TRIM2: variants seen among roughly 807,000 people sequenced by gnomAD.
The protein encoded by TRIM2 is tripartite motif-containing protein 2.
Under a neutral mutation model 75.2 loss-of-function variants are expected in TRIM2, and 20 were observed. The observed-to-expected ratio is 0.27, with a 90% CI of 0.19 to 0.39. The LOEUF (loss-of-function observed/expected upper bound fraction) is 0.39, where lower values mean the gene tolerates loss of function less well. Among genes scored for constraint, TRIM2 ranks in the 10% least tolerant of loss-of-function variants. The pLI is 1.00. For missense variants in TRIM2, 660 were observed against 990.8 expected (o/e 0.67, Z 4.48); for synonymous variants, 373 against 388.3 (o/e 0.96, Z 0.46).
At chr4:153,324,287 C>A in intron 10 of TRIM2, 139 bp downstream of exon 10, 1 of 613,776 alleles carries the variant, frequency 1.6e-6, no homozygotes, top group South Asian at 2.4e-5. Flanking sequence ...CTCAAAGATG[C>A]CGGTTTTAAC....
In TRIM2 at chr4:153,296,151, G is replaced by A. The variant is rs1029241922; in HGVS notation, c.1510+115G>A. ...CCCAGAACTCTACCTGCAGGTGTTAGGAGATGTACTGCTATAAAATTTGAT... is the reference window on the plus strand; with the variant it reads ...CCCAGAACTCTACCTGCAGGTGTTAAGAGATGTACTGCTATAAAATTTGAT... On this transcript the variant is annotated intron_variant, in intron 6 of 11. Transcript: ENST00000338700. 37 of 1,303,446 alleles carry A rather than the reference G, an allele frequency of 2.8e-5. No individual in the cohort carries two copies. In the Admixed American group the frequency reaches 9.7e-4, roughly 34 times the overall value. 80.7% of individuals were successfully genotyped at this position (1,303,446 alleles called of 1,614,324 possible).
chr4:153,272,886 C>CT (rs1757057128), intron 2 of TRIM2, among the ~76,000 whole-genome samples: 1 of 152,280 alleles, frequency 6.6e-6, no homozygotes, highest in South Asian at 2.1e-4. Context: ...TGTCACCAGG[C>CT]TGGAGTGCAG....
At chr4:153,205,399 CG>C (rs559100130) in intron 1 of TRIM2, among the ~76,000 whole-genome samples, 43 of 152,190 alleles carry the variant, frequency 2.8e-4, no homozygotes, top group African/African-American at 9.2e-4. Flanking sequence ...TCGTAGCTCA[CG>C]GGGTGCGCAA....
Position 153,338,734 on chromosome 4 carries a change from G to A in TRIM2, c.*3768G>A, listed in dbSNP as rs554912691. The A allele has an allele frequency of 9.1e-6, 9 of 985,592 alleles. No homozygotes were observed. The African/African-American group carries it at 1.4e-4, about 15-fold the overall frequency. 61.1% of individuals were successfully genotyped at this position (985,592 alleles called of 1,614,324 possible). ...GTCTGTTTGTGGAGAATGTATGAAA[G>A]CTATTAATATTCTAGAATAGATTAA... On this transcript the variant is annotated 3_prime_UTR_variant, in exon 12 of 12. Transcript: ENST00000338700.
At chr4:153,202,983 T>C (rs1734570878), upstream of TRIM2, among the ~76,000 whole-genome samples, 2 of 151,350 alleles carry the variant, frequency 1.3e-5, no homozygotes, top group Non-Finnish European at 2.9e-5. Flanking sequence ...TGCGCATCTG[T>C]AGTCCCAGCT....
intron 9 of TRIM2, 25 bp from the exon 10 acceptor site, chr4:153,324,053 A>T (rs749941218): frequency 2.8e-5 from 45 of 1,597,962 alleles, no homozygotes; most frequent in Middle Eastern, 3.4e-4. Flanking sequence ...TAGTCATCAC[A>T]TATTTTTTTC....
intron 1 of TRIM2, chr4:153,222,445 A>T (rs1338076893): frequency 6.6e-6 from 1 of 152,268 alleles, no homozygotes; most frequent in Non-Finnish European, 1.5e-5. Context: ...CGATTGGCCC[A>T]TCTTGGAGGC....
At chr4:153,330,639 A>G (rs906207951) in intron 11 of TRIM2, among the ~76,000 whole-genome samples, 19 of 152,242 alleles carry the variant, frequency 1.2e-4, no homozygotes, top group African/African-American at 4.3e-4. Flanking sequence ...GATCATATCA[A>G]TTGACACTGA....
intron 1 of TRIM2, among the ~76,000 whole-genome samples, chr4:153,216,923 T>C (rs1248270409): frequency 6.6e-6 from 1 of 152,170 alleles, no homozygotes; most frequent in Non-Finnish European, 1.5e-5. Context: ...GGCAGTTAAG[T>C]TTCAACATAC....
At chr4:153,312,695 T>G (rs1766630756) in intron 6 of TRIM2, among the ~76,000 whole-genome samples, 1 of 152,132 alleles carries the variant, frequency 6.6e-6, no homozygotes, top group South Asian at 2.1e-4. Flanking sequence ...GACCCAGCCA[T>G]CCCATTACTG....
intron 1 of TRIM2, among the ~76,000 whole-genome samples, chr4:153,253,010 T>C (rs1751234344): frequency 6.6e-6 from 1 of 152,232 alleles, no homozygotes; most frequent in African/African-American, 2.4e-5. Context: ...GTTAGTGAAT[T>C]AAAGGTAAAA....
chr4:153,259,953 T>C (rs754112969), intron 1 of TRIM2, among the ~76,000 whole-genome samples: 11 of 152,216 alleles, frequency 7.2e-5, no homozygotes, highest in Non-Finnish European at 1.5e-4. Flanking sequence ...GTCTTCACAT[T>C]CTCGACAGCC....
chr4:153,258,699 C>G (rs1010071199), intron 1 of TRIM2, among the ~76,000 whole-genome samples: 4 of 152,152 alleles, frequency 2.6e-5, no homozygotes, highest in Non-Finnish European at 5.9e-5. Flanking sequence ...TGGCTTAGAT[C>G]ATGTTACAGC....
intron 1 of TRIM2, among the ~76,000 whole-genome samples, chr4:153,185,065 G>T (rs552126634): frequency 2.0e-5 from 3 of 152,212 alleles, no homozygotes; most frequent in African/African-American, 7.2e-5. Flanking sequence ...CAGGAATCTC[G>T]ACATTCTTTC....
intron 1 of TRIM2, among the ~76,000 whole-genome samples, chr4:153,168,787 C>T (rs1730560696): frequency 6.6e-6 from 1 of 152,030 alleles, no homozygotes; most frequent in Non-Finnish European, 1.5e-5. Flanking sequence ...GGTTTAATTG[C>T]ATTTTTAGAA....
chr4:153,315,714 T>C (rs1767439910), intron 7 of TRIM2, 118 bp from the exon 8 acceptor site: 13 of 1,467,960 alleles, frequency 8.9e-6, no homozygotes, highest in Non-Finnish European at 1.2e-5. Flanking sequence ...TGTAGACTTT[T>C]CTTCAAATAG....
chr4:153,325,490 C>T (rs180876300), intron 10 of TRIM2, among the ~76,000 whole-genome samples: 4 of 152,214 alleles, frequency 2.6e-5, no homozygotes, highest in East Asian at 1.9e-4. Flanking sequence ...CAAAGAAGGA[C>T]GGAAGTAGAG....
intron 10 of TRIM2, among the ~76,000 whole-genome samples, chr4:153,327,875 T>C (rs1770590344): frequency 6.6e-6 from 1 of 152,218 alleles, no homozygotes; most frequent in Non-Finnish European, 1.5e-5. Context: ...GAAACTACTT[T>C]TATATTCATC....
chr4:153,302,269 T>C (rs979845529), intron 6 of TRIM2, among the ~76,000 whole-genome samples: 2 of 152,232 alleles, frequency 1.3e-5, no homozygotes, highest in African/African-American at 4.8e-5. Flanking sequence ...TACATTCAAA[T>C]CCAGTATCTA....
Sources: allele counts gnomAD v4.1 joint callset (sites outside exome capture counted in the v4.1 genomes callset), GRCh38; gene constraint gnomAD v4.1.1; transcripts MANE v1.5; gene names NCBI Gene and HGNC (gene_info 2026-07-23, HGNC 2026-07-21).